Variants in PAPSS1 observed in about 807,000 individuals in gnomAD.
PAPSS1 encodes the protein 3'-phosphoadenosine 5'-phosphosulfate synthase 1, also known as bifunctional 3'-phosphoadenosine 5'-phosphosulfate synthase 1.
Under a neutral mutation model 72.0 loss-of-function variants are expected in PAPSS1, and 50 were observed. The ratio of observed to expected loss-of-function variants is 0.69; its 90% CI spans 0.55 to 0.88. The LOEUF is 0.88. Ranked by LOEUF, PAPSS1 falls within the 40% of genes least tolerant of loss-of-function variation. The pLI, the probability that PAPSS1 is intolerant of heterozygous loss-of-function variation, is 0.00. For missense variants in PAPSS1, 657 were observed against 782.2 expected (o/e 0.84, Z 1.91); for synonymous variants, 261 against 263.6 (o/e 0.99, Z 0.09).
chr4:107,670,129 A>T (rs955448455), intron 5 of PAPSS1, among the ~76,000 whole-genome samples: 2 of 152,234 alleles, frequency 1.3e-5, no homozygotes, highest in African/African-American at 4.8e-5. Flanking sequence ...CCTCCAATTG[A>T]AATAAACAGA....
intron 2 of PAPSS1, among the ~76,000 whole-genome samples, chr4:107,698,306 A>G (rs559923068): frequency 4.6e-5 from 7 of 152,350 alleles, no homozygotes; most frequent in African/African-American, 1.4e-4. Context: ...CATCATTATC[A>G]AAAAACATAT....
rs1386759728 is a variant in PAPSS1 at position 107,614,251 on chromosome 4, A to G, written c.1873T>C (p.Ter625GlnextTer13). 5 of 1,613,180 alleles carry G rather than the reference A, an allele frequency of 3.1e-6. No individual in the cohort carries two copies. The highest frequency in any genetic ancestry group is 4.2e-6 in the Non-Finnish European group (5 of 1,179,504). The stretch of plus-strand genomic sequence containing the variant: ...GGTGGAGTGACTGGGTTAACAGCCT[A>G]AGCTTTCTCCAAGGATTTGTAGTAT... ...TEYYKSLEKA[*>Q] The change falls in exon 12 of 12, where the codon TAG (stop) becomes CAG (glutamine). Residue 625 changes from the stop codon to glutamine, a stop_lost. Transcript: ENST00000265174.
intron 5 of PAPSS1, among the ~76,000 whole-genome samples, chr4:107,680,715 A>G (rs955694181): frequency 5.9e-5 from 9 of 152,218 alleles, no homozygotes; most frequent in African/African-American, 2.2e-4. Flanking sequence ...ATGGAAGATG[A>G]AAGAATGGAT....
intron 1 of PAPSS1, among the ~76,000 whole-genome samples, chr4:107,705,800 T>C (rs1723325849): frequency 6.6e-6 from 1 of 152,250 alleles, no homozygotes; most frequent in East Asian, 1.9e-4. Context: ...CTAATTAGCA[T>C]CCTTTTATTT....
intron 1 of PAPSS1, among the ~76,000 whole-genome samples, chr4:107,712,086 C>T (rs1482162518): frequency 6.6e-6 from 1 of 152,170 alleles, no homozygotes; most frequent in Admixed American, 6.5e-5. Context: ...CATTACGGCT[C>T]TCCAACTATT....
At chr4:107,617,287 G>T (rs1211402042) in intron 11 of PAPSS1, among the ~76,000 whole-genome samples, 2 of 149,104 alleles carry the variant, frequency 1.3e-5, no homozygotes, top group Non-Finnish European at 3.0e-5. Flanking sequence ...ACTGCTGTCA[G>T]TTCTTACAAT....
At chr4:107,666,086 AC>A (rs983625469) in intron 5 of PAPSS1, among the ~76,000 whole-genome samples, 2 of 152,196 alleles carry the variant, frequency 1.3e-5, no homozygotes, top group Non-Finnish European at 2.9e-5. Flanking sequence ...AAGCATGAAC[AC>A]CAAACGACAT....
At chr4:107,681,442 A>G (rs891605614) in intron 5 of PAPSS1, among the ~76,000 whole-genome samples, 6 of 152,198 alleles carry the variant, frequency 3.9e-5, no homozygotes, top group African/African-American at 1.2e-4. Context: ...CTAAAAACCC[A>G]GACTAAAGTC....
At chr4:107,719,990 G>A (rs901102956) in intron 1 of PAPSS1, 130 bp downstream of exon 1, 264 of 1,469,992 alleles carry the variant, frequency 1.8e-4, no homozygotes, top group Non-Finnish European at 2.2e-4. Context: ...AGGCGCCGCA[G>A]CCCCGGAACC....
intron 2 of PAPSS1, among the ~76,000 whole-genome samples, chr4:107,697,448 C>A (rs909363940): frequency 6.6e-6 from 1 of 152,114 alleles, no homozygotes; most frequent in African/African-American, 2.4e-5. Context: ...TTGTTTTTAA[C>A]CACCAATTGA....
chr4:107,707,946 C>T (rs1027069793), intron 1 of PAPSS1, among the ~76,000 whole-genome samples: 1 of 152,066 alleles, frequency 6.6e-6, no homozygotes, highest in Non-Finnish European at 1.5e-5. Context: ...CTTCACAATC[C>T]TGTACAGCAG....
intron 2 of PAPSS1, among the ~76,000 whole-genome samples, chr4:107,698,074 T>C (rs1560589153): frequency 6.6e-6 from 1 of 152,198 alleles, no homozygotes; most frequent in African/African-American, 2.4e-5. Flanking sequence ...AGAATAAATT[T>C]CTTCCACCTA....
rs565074893 is a variant in PAPSS1 at position 107,651,247 on chromosome 4, A to G, written c.1237+2244T>C. 5.4e-4 allele frequency among the ~76,000 whole-genome samples: 83 copies of G among 152,350 alleles called. 1 individual carries two copies. In the South Asian group the frequency reaches 0.017, roughly 30 times the overall value. On this transcript the variant is annotated intron_variant, in intron 9 of 11. Coordinates refer to ENST00000265174, the MANE Select transcript of PAPSS1 (RefSeq NM_005443.5). ...TGTGAATGAGTTAAGCAGACTAGGTAGGAACTATGGAGCACTGAAGAGTGG... is the reference window on the plus strand; with the variant it reads ...TGTGAATGAGTTAAGCAGACTAGGTGGGAACTATGGAGCACTGAAGAGTGG...
intron 5 of PAPSS1, among the ~76,000 whole-genome samples, chr4:107,662,133 A>G (rs957866388): frequency 3.9e-5 from 6 of 152,366 alleles, no homozygotes; most frequent in Non-Finnish European, 7.3e-5. Flanking sequence ...AAAGACAGAC[A>G]AGAAATAAAC....
intron 11 of PAPSS1, among the ~76,000 whole-genome samples, chr4:107,620,835 A>T (rs1021452543): frequency 6.6e-6 from 1 of 152,240 alleles, no homozygotes; most frequent in Admixed American, 6.5e-5. Flanking sequence ...TCTCACCCTA[A>T]AGGGGCAGAA....
intron 11 of PAPSS1, among the ~76,000 whole-genome samples, chr4:107,623,822 TA>T (rs1726028900): frequency 6.6e-6 from 1 of 152,238 alleles, no homozygotes; most frequent in East Asian, 1.9e-4. Flanking sequence ...ACGCTCAGCT[TA>T]TGTGAATTTT....
chr4:107,692,570 A>G (rs1464825640), intron 3 of PAPSS1, among the ~76,000 whole-genome samples: 2 of 152,216 alleles, frequency 1.3e-5, no homozygotes, highest in East Asian at 3.9e-4. Context: ...TGTGGAAGAC[A>G]GTGCAGTGAA....
intron 11 of PAPSS1, among the ~76,000 whole-genome samples, chr4:107,617,169 A>G (rs1243244188): frequency 6.7e-6 from 1 of 148,494 alleles, no homozygotes; most frequent in Non-Finnish European, 1.5e-5. Flanking sequence ...TGTGTGCTCA[A>G]TGACTCAACT....
At chr4:107,680,073 T>C (rs556163225) in intron 5 of PAPSS1, among the ~76,000 whole-genome samples, 7 of 152,156 alleles carry the variant, frequency 4.6e-5, no homozygotes, top group South Asian at 2.1e-4. Flanking sequence ...CTAAAAACTG[T>C]GGGACAACAT....
Sources: allele counts gnomAD v4.1 joint callset (sites outside exome capture counted in the v4.1 genomes callset), GRCh38; gene constraint gnomAD v4.1.1; transcripts MANE v1.5; gene names NCBI Gene and HGNC (gene_info 2026-07-23, HGNC 2026-07-21).